Variants in NRCAM observed in about 807,000 individuals in gnomAD.
NRCAM encodes neuronal cell adhesion molecule, also known as NgCAM-related cell adhesion molecule.
A neutral mutation model predicts 156.5 loss-of-function variants in NRCAM; 83 were observed. The observed-to-expected ratio is 0.53, with a 90% CI of 0.44 to 0.64. The LOEUF (loss-of-function observed/expected upper bound fraction) is 0.64, where lower values mean the gene tolerates loss of function less well. Among genes scored for constraint, NRCAM ranks in the 30% least tolerant of loss-of-function variants. The probability of loss-of-function intolerance (pLI) is 0.00; values close to 1 mark genes in which losing one functional copy is unlikely to be tolerated. For missense variants in NRCAM, 1,417 were observed against 1,597.3 expected, an observed-to-expected ratio of 0.89 and a Z score of 1.92; for synonymous variants, 538 against 563.9, an observed-to-expected ratio of 0.95 and a Z score of 0.65.
chr7:108,198,710 A>C (rs1380851218), intron 13 of NRCAM, among the ~76,000 whole-genome samples: 1 of 152,238 alleles, frequency 6.6e-6, no homozygotes, highest in East Asian at 1.9e-4. Context: ...TAAATCAACA[A>C]ATACATAAAC....
At chr7:108,197,280 T>C (rs1439539884) in intron 14 of NRCAM, among the ~76,000 whole-genome samples, 1 of 152,180 alleles carries the variant, frequency 6.6e-6, no homozygotes, top group Non-Finnish European at 1.5e-5. Context: ...ATTTCAAGCA[T>C]GAAAGGAAAA....
At chr7:108,193,351 C>T (rs2073224765) in intron 17 of NRCAM, among the ~76,000 whole-genome samples, 1 of 152,228 alleles carries the variant, frequency 6.6e-6, no homozygotes, top group Non-Finnish European at 1.5e-5. Context: ...AGGTGAACCA[C>T]ACAAATGATT....
At chr7:108,274,816 T>C (rs189548735) in intron 3 of NRCAM, among the ~76,000 whole-genome samples, 1 of 152,330 alleles carries the variant, frequency 6.6e-6, no homozygotes, top group African/African-American at 2.4e-5. Context: ...TGTCTTGTGC[T>C]GGCTTTCAAT....
At position 108,175,985 on chromosome 7, in the gene NRCAM, A is replaced by G. The variant is rs938074294; in HGVS notation, c.3151+445T>C. On this transcript the variant is annotated intron_variant, in intron 27 of 32. Transcript: ENST00000379028. ...AAATGTAAATTGATATGTGAACTAG[A>G]AAATTTTTTCCAGTAAATCAGGACC... Among the ~76,000 whole-genome samples the G allele has an allele frequency of 4.0e-4, 61 of 152,182 alleles. 1 individual carries two copies. The highest frequency in any genetic ancestry group is 1.4e-3 in the African/African-American group (56 of 41,448).
chr7:108,339,811 G>C (rs2099254487), intron 2 of NRCAM, among the ~76,000 whole-genome samples: 1 of 152,118 alleles, frequency 6.6e-6, no homozygotes, highest in Admixed American at 6.5e-5. Context: ...GATGGGAAAT[G>C]TTCCCCCTCA....
Position 108,307,906 on chromosome 7 carries a change from G to A in NRCAM, c.-107+4759C>T, listed in dbSNP as rs57000333. On this transcript the variant is annotated intron_variant, in intron 3 of 32. Transcript: ENST00000379028. Reference sequence around the variant, plus strand: ...AAGGAAGAGACATGATAAAATACCCGCAGAACCTAGGCACACATGTCTACC... The same window carrying A: ...AAGGAAGAGACATGATAAAATACCCACAGAACCTAGGCACACATGTCTACC... 2.0e-3 allele frequency among the ~76,000 whole-genome samples: 308 copies of A among 152,268 alleles called. 1 individual carries two copies. The highest frequency in any genetic ancestry group is 6.6e-3 in the African/African-American group (276 of 41,542).
chr7:108,163,797 C>G lies in NRCAM; in HGVS notation c.3466+3124G>C, dbSNP rs907965192. ...GGGGTGGCGGTAATGAGAGGTCATA[C>G]CGGGTGGGGTGGCGGTAATGAGAGG... On this transcript the variant is annotated intron_variant, in intron 30 of 32. Transcript: ENST00000379028. Among the ~76,000 whole-genome samples, 3 of 141,040 alleles carry G rather than the reference C, an allele frequency of 2.1e-5. 1 individual carries two copies. The highest frequency in any genetic ancestry group is 2.1e-4 in the Admixed American group (3 of 14,282). 92.5% of individuals were successfully genotyped at this position (141,040 alleles called of 152,430 possible).
chr7:108,227,200 T>G (rs529576233), intron 8 of NRCAM, among the ~76,000 whole-genome samples: 21 of 152,320 alleles, frequency 1.4e-4, no homozygotes, highest in African/African-American at 5.1e-4. Context: ...AAATGTGCAC[T>G]GAAGGATTAA....
intron 12 of NRCAM, 36 bp downstream of exon 12, chr7:108,209,385 C>A: frequency 7.0e-7 from 1 of 1,419,822 alleles, no homozygotes; most frequent in Non-Finnish European, 9.5e-7. Context: ...CAGGGTCTCT[C>A]ATGAAGGCAA....
At chr7:108,442,432 T>G (rs1056956857) in intron 1 of NRCAM, among the ~76,000 whole-genome samples, 3 of 152,174 alleles carry the variant, frequency 2.0e-5, no homozygotes, top group Non-Finnish European at 4.4e-5. Context: ...CCAGAGCAGG[T>G]GCAGGTAGCC....
At chr7:108,280,424 A>G (rs2097806842) in intron 3 of NRCAM, among the ~76,000 whole-genome samples, 2 of 152,270 alleles carry the variant, frequency 1.3e-5, no homozygotes, top group African/African-American at 4.8e-5. Context: ...AAGCATATCC[A>G]GCAGTCAGCC....
At chr7:108,256,173 T>C (rs1040108956) in intron 3 of NRCAM, among the ~76,000 whole-genome samples, 2 of 151,678 alleles carry the variant, frequency 1.3e-5, no homozygotes, top group Admixed American at 1.3e-4. Context: ...GGTGGTTTTG[T>C]TGAATAGAAA....
At chr7:108,184,650 T>C in intron 20 of NRCAM, 36 bp from the exon 21 acceptor site, 1 of 1,587,742 alleles carries the variant, frequency 6.3e-7, no homozygotes, top group African/African-American at 1.3e-5. Context: ...CCCAAGACCG[T>C]GAATTCAGTC....
At chr7:108,192,178 G>C (rs1360924816) in intron 17 of NRCAM, among the ~76,000 whole-genome samples, 2 of 152,152 alleles carry the variant, frequency 1.3e-5, no homozygotes, top group African/African-American at 4.8e-5. Flanking sequence ...CGCTGCTCTA[G>C]AGGGTGTGGT....
chr7:108,265,283 T>A (rs1319319015), intron 3 of NRCAM, among the ~76,000 whole-genome samples: 1 of 152,208 alleles, frequency 6.6e-6, no homozygotes, highest in African/African-American at 2.4e-5. Context: ...GCTAATGGAA[T>A]ATCCTTGCCC....
In NRCAM at chr7:108,184,126, ATATTT is replaced by A. The variant is rs2065217192; in HGVS notation, c.2304+110_2304+114del. 5 of 538,550 alleles carry A rather than the reference ATATTT, an allele frequency of 9.3e-6. No individual in the cohort carries two copies. The South Asian group carries it at 1.1e-4, about 12-fold the overall frequency. 33.4% of individuals were successfully genotyped at this position (538,550 alleles called of 1,614,324 possible). Reference sequence around the variant, plus strand: ...TATATGTATCTTTATATATATATATATATTTTTTTTCCCCAGAAATAGGTGAAATG... The same window carrying A: ...TATATGTATCTTTATATATATATATATTTTTCCCCAGAAATAGGTGAAATG... On this transcript the variant is annotated intron_variant, in intron 22 of 32. Coordinates refer to ENST00000379028, the MANE Select transcript of NRCAM (RefSeq NM_001037132.4).
At chr7:108,371,887 A>C (rs2099631032) in intron 2 of NRCAM, among the ~76,000 whole-genome samples, 1 of 152,176 alleles carries the variant, frequency 6.6e-6, no homozygotes, top group African/African-American at 2.4e-5. Flanking sequence ...ATTCACATGG[A>C]GCCACAAAAG....
chr7:108,429,701 A>C (rs1286846744), intron 1 of NRCAM, among the ~76,000 whole-genome samples: 1 of 152,222 alleles, frequency 6.6e-6, no homozygotes, highest in Non-Finnish European at 1.5e-5. Context: ...CTAAGATCCT[A>C]AGGTGTACTG....
intron 2 of NRCAM, among the ~76,000 whole-genome samples, chr7:108,319,943 G>A (rs996353727): frequency 6.6e-6 from 1 of 152,082 alleles, no homozygotes; most frequent in Non-Finnish European, 1.5e-5. Flanking sequence ...GAAAGCTGAG[G>A]GTGGAAGAGG....
Sources: gnomAD v4.1 joint callset for allele counts (sites outside exome capture counted in the v4.1 genomes callset) on GRCh38, gnomAD v4.1.1 for gene constraint, MANE v1.5 for transcripts, NCBI Gene and HGNC (gene_info 2026-07-23, HGNC 2026-07-21) for gene names.